The following SPOUT1 variants were observed in gnomAD, a reference collection of about 807,000 sequenced individuals.
SPOUT1 encodes the protein 28S rRNA (uridine-N(3))-methyltransferase.
Under a neutral mutation model 54.8 loss-of-function variants are expected in SPOUT1, and 40 were observed. That is an observed-to-expected ratio of 0.73 (90% confidence interval 0.57 to 0.95). SPOUT1 has a LOEUF of 0.95. Ranked by LOEUF, SPOUT1 falls within the 40% of genes least tolerant of loss-of-function variation. SPOUT1 has a pLI of 0.00. For missense variants in SPOUT1, 437 were observed against 499.5 expected, an observed-to-expected ratio of 0.87 and a Z score of 1.19; for synonymous variants, 193 against 200.3, an observed-to-expected ratio of 0.96 and a Z score of 0.31.
chr9:128,826,932 A>C lies in SPOUT1; in HGVS notation c.368+100T>G. The C allele has an allele frequency of 8.0e-7, 1 of 1,255,812 alleles. No individual in the cohort carries two copies. The highest frequency in any genetic ancestry group is 1.1e-6 in the Non-Finnish European group (1 of 884,946). The allele number at this position is 1,255,812 out of a possible 1,614,324, so 77.8% of individuals were successfully genotyped here. ...GAATATTTCAGGCAGGGCACGAGGG[A>C]AGAGCCAGGCATGTGGACGGGGCCA... On this transcript the variant is annotated intron_variant, in intron 4 of 11. Coordinates refer to ENST00000361256, the MANE Select transcript of SPOUT1 (RefSeq NM_016390.4). This position sits in a 1 kb window ranked among gnomAD's most constrained non-coding sequence, Gnocchi z 5.5.
chr9:128,824,571 C>T (rs567324606), intron 9 of SPOUT1, among the ~76,000 whole-genome samples, 200 bp downstream of exon 9: 1 of 152,274 alleles, frequency 6.6e-6, no homozygotes, highest in East Asian at 1.9e-4. Context: ...AATAATGATA[C>T]TTTTGCTCAG....
At position 128,826,950 on chromosome 9, in the gene SPOUT1, C is replaced by CG. The variant is rs1830253086; in HGVS notation, c.368+81dup. On this transcript the variant is annotated intron_variant, in intron 4 of 11. Transcript: ENST00000361256. The surrounding 1 kb of genome is among the most constrained non-coding windows in gnomAD (Gnocchi z 5.5). Reference sequence around the variant, plus strand: ...ACGAGGGAAGAGCCAGGCATGTGGACGGGGCCATGGTGAAGCCTCGGCCCA... The same window carrying CG: ...ACGAGGGAAGAGCCAGGCATGTGGACGGGGGCCATGGTGAAGCCTCGGCCCA... The CG allele has an allele frequency of 1.4e-6, 2 of 1,397,782 alleles. No homozygotes were observed. The allele number at this position is 1,397,782 out of a possible 1,614,324, so 86.6% of individuals were successfully genotyped here.
In SPOUT1 at chr9:128,826,669, C is replaced by T. The variant is rs1177886278; in HGVS notation, c.369-40G>A. 1.4e-6 allele frequency: 2 copies of T among 1,417,632 alleles called. No homozygotes were observed. Among genetic ancestry groups the T allele is most frequent in the East Asian group, 2.3e-5 (1 of 43,636 alleles). 87.8% of individuals were successfully genotyped at this position (1,417,632 alleles called of 1,614,324 possible). ...ATGGGGGCTCAGGATCCAGCTGTGG[C>T]CCCTTCAAGAGCTCCTGTCTACAAG... On this transcript the variant is annotated intron_variant, in intron 4 of 11. Coordinates refer to ENST00000361256, the MANE Select transcript of SPOUT1 (RefSeq NM_016390.4). The surrounding 1 kb of genome is among the most constrained non-coding windows in gnomAD (Gnocchi z 5.5).
chr9:128,824,659 C>A, intron 9 of SPOUT1, 112 bp downstream of exon 9: 1 of 730,118 alleles, frequency 1.4e-6, no homozygotes, highest in South Asian at 1.6e-5. Flanking sequence ...CCCAAGGACA[C>A]ACAGCAAGTT....
In SPOUT1 at chr9:128,820,786, C is replaced by T; in HGVS notation, c.*1979G>A. The T allele has an allele frequency of 6.2e-7, 1 of 1,612,540 alleles. No homozygotes were observed. Among genetic ancestry groups the T allele is most frequent in the Non-Finnish European group, 8.5e-7 (1 of 1,179,352 alleles). Reference sequence around the variant, plus strand: ...CCTGGAACAACCTGGAGAAATATAGCCGCAGCTTGACCCGCAGCTACCAAA... The same window carrying T: ...CCTGGAACAACCTGGAGAAATATAGTCGCAGCTTGACCCGCAGCTACCAAA... On this transcript the variant is annotated 3_prime_UTR_variant, in exon 12 of 12. Transcript: ENST00000361256.
intron 1 of SPOUT1, 39 bp downstream of exon 1, chr9:128,829,706 C>T: frequency 6.6e-7 from 1 of 1,508,536 alleles, no homozygotes; most frequent in Non-Finnish European, 9.1e-7. Flanking sequence ...CACGCCTCCA[C>T]CATGCTGCCC....
chr9:128,825,019 C>T lies in SPOUT1; in HGVS notation c.670G>A (p.Gly224Arg), dbSNP rs768477732. Reference sequence around the variant, plus strand: ...TTCAGTCGCACAGTCACCCGAAGCCCGGGCTCCAGGTTCTTGTCAATCTTC... The same window carrying T: ...TTCAGTCGCACAGTCACCCGAAGCCTGGGCTCCAGGTTCTTGTCAATCTTC... ...EVKIDKNLEP[G>R]LRVTVRLNQQ... The change falls in exon 8 of 12, where the codon GGG becomes AGG. Residue 224 changes from glycine to arginine, a missense_variant. Coordinates refer to ENST00000361256, the MANE Select transcript of SPOUT1 (RefSeq NM_016390.4). 6 of 1,580,652 alleles carry T rather than the reference C, an allele frequency of 3.8e-6. No individual in the cohort carries two copies. The highest frequency in any genetic ancestry group is 1.8e-5 in the Admixed American group (1 of 54,304).
rs748968017 is a variant in SPOUT1 at position 128,820,716 on chromosome 9, C to G, written c.*2049G>C. The G allele has an allele frequency of 1.3e-6, 2 of 1,588,338 alleles. No homozygotes were observed. The highest frequency in any genetic ancestry group is 1.7e-6 in the Non-Finnish European group (2 of 1,164,382). ...AGGAAGGGTCCCAGCCACAGTCCTG[C>G]TAAGCCCTATCTCTCCTACCAGGTG... On this transcript the variant is annotated 3_prime_UTR_variant, in exon 12 of 12. Coordinates refer to ENST00000361256, the MANE Select transcript of SPOUT1 (RefSeq NM_016390.4).
intron 7 of SPOUT1, 143 bp from the exon 8 acceptor site, chr9:128,825,192 C>T (rs1397337207): frequency 4.7e-6 from 3 of 638,158 alleles, no homozygotes; most frequent in African/African-American, 3.7e-5. Context: ...ACCCCTGGCA[C>T]CGGCTGAACC....
Position 128,829,760 on chromosome 9 carries a change from C to T in SPOUT1, c.21G>A (p.Lys7=). 6.2e-7 allele frequency: 1 copy of T among 1,602,242 alleles called. No homozygotes were observed. The highest frequency in any genetic ancestry group is 8.5e-7 in the Non-Finnish European group (1 of 1,175,310). ...CCGCACTTACCGGGCCGCACGGCCG[C>T]TTCCTGCCGCGCTCCGCCATGTTCC... The part of the protein sequence containing the change: MAERGR[K]RPCGPGEHGQ... The change falls in exon 1 of 12, where the codon AAG becomes AAA. Residue 7 remains lysine, a synonymous_variant. Transcript: ENST00000361256.
At chr9:128,825,139 G>A in intron 7 of SPOUT1, 90 bp from the exon 8 acceptor site, 1 of 979,852 alleles carries the variant, frequency 1.0e-6, no homozygotes, top group Non-Finnish European at 1.6e-6. Flanking sequence ...GAGCCCCGGG[G>A]CTGGCAAGGG....
At chr9:128,825,449 A>G (rs992394217) in intron 7 of SPOUT1, among the ~76,000 whole-genome samples, 1 of 152,094 alleles carries the variant, frequency 6.6e-6, no homozygotes, top group African/African-American at 2.4e-5. Flanking sequence ...CTCCTGCCTT[A>G]GCCTCCCGAG....
chr9:128,829,571 G>C (rs2118826731), intron 1 of SPOUT1, among the ~76,000 whole-genome samples, 174 bp downstream of exon 1: 1 of 152,334 alleles, frequency 6.6e-6, no homozygotes, highest in East Asian at 1.9e-4. Context: ...AGAGGACACG[G>C]GCGCTGTTCC....
At chr9:128,824,235 ATGTG>A in intron 9 of SPOUT1, 61 bp from the exon 10 acceptor site, 1 of 561,924 alleles carries the variant, frequency 1.8e-6, no homozygotes, top group Non-Finnish European at 3.4e-6. Context: ...TCCGGGTATT[ATGTG>A]TGTGTGTACT....
At position 128,829,133 on chromosome 9, in the gene SPOUT1, T is replaced by C; in HGVS notation, c.59A>G (p.Glu20Gly). 1 of 1,614,038 alleles carries C rather than the reference T, an allele frequency of 6.2e-7. No homozygotes were observed. Among genetic ancestry groups the C allele is most frequent in the Non-Finnish European group, 8.5e-7 (1 of 1,179,886 alleles). ...ACTCTGTTGCTTCCATTTTCGCCAC[T>C]CAATCCTTTGGCCGTGTTCACCCTG... Reference protein sequence around the residue: ...CGPGEHGQRIEWRKWKQQKKE... With the variant: ...CGPGEHGQRIGWRKWKQQKKE... Residue 20 changes from glutamate to glycine, a missense_variant, in exon 2 of 12, where the codon GAG becomes GGG. Transcript: ENST00000361256.
chr9:128,825,106 G>T, intron 7 of SPOUT1, 57 bp from the exon 8 acceptor site: 1 of 1,342,312 alleles, frequency 7.4e-7, no homozygotes, highest in Non-Finnish European at 1.0e-6. Flanking sequence ...CAGGGGCCAC[G>T]GCTCTTCCAG....
intron 1 of SPOUT1, 83 bp from the exon 2 acceptor site, chr9:128,829,238 G>GC: frequency 8.4e-7 from 1 of 1,184,270 alleles, no homozygotes; most frequent in Non-Finnish European, 1.3e-6. Flanking sequence ...ACCATAGCCA[G>GC]CCCCTCCACA....
rs1340581066 is a variant in SPOUT1 at position 128,828,777 on chromosome 9, G to A, written c.166C>T (p.Arg56Cys). ...RQRAQEEQAK[R>C]LEEEEAAAEK... ...GCCGCTGCCTCCTCCTCTTCCAGGC[G>A]CTTTGCCTGTTCCTCCTGTGCCCGC... The change falls in exon 3 of 12, where the codon CGC (arginine) becomes TGC (cysteine). Residue 56 changes from arginine to cysteine, a missense_variant. Arg to Cys is a radical substitution (Grantham distance 180, BLOSUM62 -3). Transcript: ENST00000361256. 19 of 1,613,982 alleles carry A rather than the reference G, an allele frequency of 1.2e-5. No homozygotes were observed. Among genetic ancestry groups the A allele is most frequent in the East Asian group, 4.5e-5 (2 of 44,884 alleles).
intron 3 of SPOUT1, 112 bp downstream of exon 3, chr9:128,828,623 T>G: frequency 3.5e-6 from 4 of 1,140,240 alleles, no homozygotes; most frequent in Non-Finnish European, 5.1e-6. Context: ...CAGGACAAGA[T>G]GTTTGGACCT....
Sources: allele counts gnomAD v4.1 joint callset (sites outside exome capture counted in the v4.1 genomes callset), GRCh38; gene constraint gnomAD v4.1.1; non-coding constraint Gnocchi (gnomAD v3.1); transcripts MANE v1.5; gene names NCBI Gene and HGNC (gene_info 2026-07-23, HGNC 2026-07-21).